CHID1: variants seen among roughly 807,000 people sequenced by gnomAD.
CHID1 encodes chitinase domain-containing protein 1.
Under a neutral mutation model 55.4 loss-of-function variants are expected in CHID1, and 44 were observed. The observed-to-expected ratio is 0.79, with a 90% CI of 0.62 to 1.02. The LOEUF (loss-of-function observed/expected upper bound fraction) is 1.02, where lower values mean the gene tolerates loss of function less well. CHID1 is among the 50% of genes least tolerant of loss of function. The pLI is 0.00. For synonymous variants in CHID1, 216 were observed against 212.9 expected (o/e 1.01, Z -0.13); for missense variants, 491 against 515.3 (o/e 0.95, Z 0.46).
intron 10 of CHID1, among the ~76,000 whole-genome samples, chr11:881,003 G>C (rs1186059309): frequency 6.6e-6 from 1 of 152,190 alleles, no homozygotes; most frequent in African/African-American, 2.4e-5. Context: ...CCCAAACAAG[G>C]AGGAAAAGCA....
chr11:888,641 G>A (rs1003269780), intron 8 of CHID1, among the ~76,000 whole-genome samples: 2 of 152,246 alleles, frequency 1.3e-5, no homozygotes, highest in Non-Finnish European at 2.9e-5. Context: ...CGAAAGCCCC[G>A]GGAGGAAGGA....
At chr11:882,216 T>C (rs1173449939) in intron 10 of CHID1, 1 of 152,164 alleles carries the variant, frequency 6.6e-6, no homozygotes, top group East Asian at 1.9e-4. Flanking sequence ...TCCCAGCTAC[T>C]TGGGAGGCTG....
chr11:907,159 T>A (rs531254897), intron 1 of CHID1, among the ~76,000 whole-genome samples: 1 of 152,266 alleles, frequency 6.6e-6, no homozygotes, highest in South Asian at 2.1e-4. Flanking sequence ...CTGTTCACTT[T>A]CAGGTTCTAG....
At chr11:909,112 T>C (rs556567736) in intron 1 of CHID1, among the ~76,000 whole-genome samples, 2 of 152,350 alleles carry the variant, frequency 1.3e-5, no homozygotes. Flanking sequence ...ATGGTGTGTG[T>C]GATGTGTGAG....
At chr11:905,736 C>T (rs1852165287) in intron 1 of CHID1, among the ~76,000 whole-genome samples, 1 of 151,814 alleles carries the variant, frequency 6.6e-6, no homozygotes, top group Admixed American at 6.6e-5. Context: ...GGTGGTGATG[C>T]CACGTTAAGT....
intron 1 of CHID1, among the ~76,000 whole-genome samples, chr11:907,297 C>T (rs1463948590): frequency 2.0e-5 from 3 of 152,060 alleles, no homozygotes; most frequent in Admixed American, 1.3e-4. Context: ...CTGGCTAACA[C>T]GGTGAAACCC....
intron 8 of CHID1, among the ~76,000 whole-genome samples, 158 bp from the exon 9 acceptor site, chr11:884,327 G>A (rs1251496832): frequency 6.6e-6 from 1 of 152,150 alleles, no homozygotes; most frequent in African/African-American, 2.4e-5. Flanking sequence ...CTTGGTTGGG[G>A]CCACAGAGGC....
At chr11:903,184 A>T (rs1255100199) in intron 2 of CHID1, 73 bp from the exon 3 acceptor site, 1 of 1,475,944 alleles carries the variant, frequency 6.8e-7, no homozygotes. Context: ...CCACCCAGCA[A>T]GTCCCTTCCA....
chr11:882,948 G>A (rs1850099968), intron 10 of CHID1, 200 bp downstream of exon 10: 2 of 571,872 alleles, frequency 3.5e-6, no homozygotes, highest in South Asian at 4.3e-5. Context: ...GTGTGGCCGT[G>A]TTATGGGTGG....
intron 9 of CHID1, among the ~76,000 whole-genome samples, chr11:883,514 A>C (rs1850159951): frequency 6.6e-6 from 1 of 151,546 alleles, no homozygotes; most frequent in Admixed American, 6.6e-5. Flanking sequence ...CACCCATCAG[A>C]AAGGGCTGTC....
chr11:904,051 C>T (rs1488998224), intron 2 of CHID1, among the ~76,000 whole-genome samples: 3 of 152,254 alleles, frequency 2.0e-5, no homozygotes, highest in East Asian at 3.8e-4. Context: ...TGGAAACCTT[C>T]CATCCAGTTA....
Position 886,316 on chromosome 11 carries a change from G to A in CHID1, c.702-2147C>T, listed in dbSNP as rs188981044. On this transcript the variant is annotated intron_variant, in intron 8 of 12. Transcript: ENST00000323578. The stretch of plus-strand genomic sequence containing the variant: ...CTCCACATTAATTAAAAAATTAGCC[G>A]GGTGTGGTGGTATGTGCCTGTAGTC... Among the ~76,000 whole-genome samples, 537 of 152,076 alleles carry A rather than the reference G, an allele frequency of 3.5e-3. 2 individuals carry two copies. Among genetic ancestry groups the A allele is most frequent in the Non-Finnish European group, 5.1e-3 (347 of 67,998 alleles).
rs144316162 is a variant in CHID1, at chr11:898,135, G to A, written c.608+1205C>T. Among the ~76,000 whole-genome samples the A allele has an allele frequency of 7.0e-4, 107 of 152,298 alleles. No homozygotes were observed. In the East Asian group the frequency reaches 9.9e-3, roughly 14 times the overall value. On this transcript the variant is annotated intron_variant, in intron 7 of 12. Coordinates refer to ENST00000323578, the MANE Select transcript of CHID1 (RefSeq NM_023947.4). ...CTCTGAGCCCCTGGGCAGGAATCCT[G>A]CCCTACCCCTCATGGGCTCTGCCTC...
chr11:869,444 G>A lies in CHID1; in HGVS notation c.*414C>T. 4.2e-6 allele frequency: 1 copy of A among 237,928 alleles called. No individual in the cohort carries two copies. The highest frequency in any genetic ancestry group is 6.3e-5 in the South Asian group (1 of 15,980). 14.7% of individuals were successfully genotyped at this position (237,928 alleles called of 1,614,324 possible). A position where few individuals can be genotyped will look rare whatever the true frequency, so the allele number is the denominator to read the frequency against. On this transcript the variant is annotated 3_prime_UTR_variant, in exon 13 of 13. Transcript: ENST00000323578. ...ACTGCCAGGCCCTGGGGTGATGCTGGGCAGAGCTGTCCCTGCGAGGGCCCT... is the reference window on the plus strand; with the variant it reads ...ACTGCCAGGCCCTGGGGTGATGCTGAGCAGAGCTGTCCCTGCGAGGGCCCT...
rs779674614 is a variant in CHID1, at chr11:900,103, C to T, written c.447G>A (p.Arg149=). The T allele has an allele frequency of 5.0e-6, 8 of 1,613,362 alleles. No individual in the cohort carries two copies. The Admixed American group carries it at 1.2e-4, about 24-fold the overall frequency. The change falls in exon 6 of 13, where the codon CGG becomes CGA. Residue 149 remains arginine, a synonymous_variant. Coordinates refer to ENST00000323578, the MANE Select transcript of CHID1 (RefSeq NM_023947.4). The part of the protein sequence containing the change: ...KHAKGLHIVP[R]LLFEDWTYDD... ...CGTAAGTCCAGTCCTCAAACAGGAG[C>T]CGAGGCACTGCAGGGGCAACAGACA...
intron 10 of CHID1, 171 bp downstream of exon 10, chr11:882,977 C>T (rs889635141): frequency 1.2e-5 from 8 of 659,318 alleles, no homozygotes; most frequent in African/African-American, 9.1e-5. Context: ...GTGGGGGCTG[C>T]GGTGGGGTGG....
intron 8 of CHID1, among the ~76,000 whole-genome samples, chr11:885,775 G>A (rs1850345893): frequency 6.6e-6 from 1 of 152,184 alleles, no homozygotes; most frequent in African/African-American, 2.4e-5. Flanking sequence ...CACCCAGGCT[G>A]GAGTGCAGCG....
intron 8 of CHID1, among the ~76,000 whole-genome samples, 181 bp downstream of exon 8, chr11:893,246 A>G (rs1383674576): frequency 6.6e-6 from 1 of 152,176 alleles, no homozygotes. Flanking sequence ...GCTGACTTGG[A>G]GCCTTCTCTG....
chr11:911,741 G>A (rs115889410), upstream of CHID1, among the ~76,000 whole-genome samples: 3,749 of 152,290 alleles, frequency 0.025, 173 homozygotes, highest in African/African-American at 0.085. Context: ...AAGGGGCTGG[G>A]GGCTGCATGC....
Sources: allele counts gnomAD v4.1 joint callset (sites outside exome capture counted in the v4.1 genomes callset), GRCh38; gene constraint gnomAD v4.1.1; transcripts MANE v1.5; gene names NCBI Gene and HGNC (gene_info 2026-07-23, HGNC 2026-07-21).